Variants in DYNC2H1 observed in about 807,000 individuals in gnomAD.
DYNC2H1 encodes the protein cytoplasmic dynein 2 heavy chain 1.
Under a neutral mutation model 570.0 loss-of-function variants are expected in DYNC2H1, and 410 were observed. That is an observed-to-expected ratio of 0.72 (90% CI 0.66 to 0.78). DYNC2H1 has a LOEUF of 0.78. Among genes scored for constraint, DYNC2H1 ranks in the 30% least tolerant of loss-of-function variants. DYNC2H1 has a pLI of 0.00. For synonymous variants in DYNC2H1, 1,688 were observed against 1,677.6 expected (o/e 1.01, Z -0.15); for missense variants, 4,865 against 5,046.4 (o/e 0.96, Z 1.09).
At position 103,185,157 on chromosome 11, in the gene DYNC2H1, AT is replaced by A; in HGVS notation, c.6633+109del. On this transcript the variant is annotated intron_variant, in intron 41 of 88. Transcript: ENST00000375735. The surrounding 1 kb of genome is among the most constrained non-coding windows in gnomAD (Gnocchi z 4.5). ...AACTGTAAGATATGGAACTTTTAAA[AT>A]TTGAAATTATGTATTCAATTGAGTA... 1 of 1,001,848 alleles carries A rather than the reference AT, an allele frequency of 1.0e-6. No homozygotes were observed. The highest frequency in any genetic ancestry group is 1.4e-6 in the Non-Finnish European group (1 of 713,116). 62.1% of individuals were successfully genotyped at this position (1,001,848 alleles called of 1,614,324 possible).
intron 83 of DYNC2H1, among the ~76,000 whole-genome samples, chr11:103,373,852 T>C (rs887990618): frequency 6.6e-6 from 1 of 152,184 alleles, no homozygotes; most frequent in African/African-American, 2.4e-5. Flanking sequence ...GTGCTTTTTA[T>C]ATTTTGGTGC....
intron 17 of DYNC2H1, among the ~76,000 whole-genome samples, chr11:103,137,548 C>A (rs970902525): frequency 3.7e-4 from 57 of 152,044 alleles, no homozygotes; most frequent in African/African-American, 1.3e-3. Context: ...GATAAGTGGC[C>A]TTATTTCTGA....
Position 103,424,046 on chromosome 11 carries a change from TGAAA to T in DYNC2H1, c.12367-11892_12367-11889del, listed in dbSNP as rs201518116. Among the ~76,000 whole-genome samples, 312 of 152,172 alleles carry T rather than the reference TGAAA, an allele frequency of 2.1e-3. 6 individuals are homozygous for T. Among genetic ancestry groups the T allele is most frequent in the Admixed American group, 0.018 (276 of 15,258 alleles). On this transcript the variant is annotated intron_variant, in intron 84 of 88. Coordinates refer to ENST00000375735, the MANE Select transcript of DYNC2H1 (RefSeq NM_001377.3). ...TGCACTGAGAGCTACACAACATCAT[TGAAA>T]GAAATTAAAGACTACTTAAGTAAAT...
intron 83 of DYNC2H1, among the ~76,000 whole-genome samples, chr11:103,398,848 T>C (rs1222337406): frequency 6.6e-6 from 1 of 152,168 alleles, no homozygotes; most frequent in East Asian, 1.9e-4. Context: ...AGCATATATA[T>C]AGAAATAAAT....
At chr11:103,183,083 T>C (rs1861919810) in intron 40 of DYNC2H1, among the ~76,000 whole-genome samples, 1 of 151,932 alleles carries the variant, frequency 6.6e-6, no homozygotes, top group African/African-American at 2.4e-5. Context: ...TACATTAAAC[T>C]ATAAGCACCT....
chr11:103,285,887 CTT>C (rs1365656508), intron 73 of DYNC2H1, among the ~76,000 whole-genome samples: 2 of 152,152 alleles, frequency 1.3e-5, no homozygotes, highest in Non-Finnish European at 2.9e-5. Context: ...CAAAGAGAGT[CTT>C]TGTTAATATG....
intron 82 of DYNC2H1, among the ~76,000 whole-genome samples, chr11:103,350,265 C>T (rs150484169): frequency 1.3e-5 from 2 of 152,054 alleles, no homozygotes; most frequent in African/African-American, 4.8e-5. Context: ...TAATGAATTT[C>T]TATTCATTTC....
intron 84 of DYNC2H1, chr11:103,409,640 G>C (rs1453009946): frequency 1.3e-5 from 2 of 153,416 alleles, no homozygotes; most frequent in Admixed American, 1.3e-4. Flanking sequence ...AAATTAATTA[G>C]AGGATCTGGT....
intron 70 of DYNC2H1, among the ~76,000 whole-genome samples, chr11:103,270,760 A>G (rs1459568521): frequency 6.6e-6 from 1 of 152,182 alleles, no homozygotes; most frequent in Non-Finnish European, 1.5e-5. Flanking sequence ...CAGACAGCAC[A>G]TGATCTCATC....
chr11:103,169,103 TAGAA>T, intron 32 of DYNC2H1, 143 bp downstream of exon 32: 1 of 795,460 alleles, frequency 1.3e-6, no homozygotes, highest in South Asian at 2.4e-5. Context: ...TAATCAGAAT[TAGAA>T]AGGTGTCACA....
intron 83 of DYNC2H1, among the ~76,000 whole-genome samples, chr11:103,361,663 G>A (rs1448729933): frequency 6.6e-6 from 1 of 152,202 alleles, no homozygotes; most frequent in East Asian, 1.9e-4. Flanking sequence ...GGTAAGAGCA[G>A]ATGGCAGCTT....
chr11:103,457,325 C>A (rs1944820699), intron 87 of DYNC2H1, among the ~76,000 whole-genome samples: 1 of 152,078 alleles, frequency 6.6e-6, no homozygotes, highest in South Asian at 2.1e-4. Context: ...TGTAAGACAG[C>A]CTCAGGCAGG....
chr11:103,112,897 G>T (rs1185038554), intron 1 of DYNC2H1, among the ~76,000 whole-genome samples: 1 of 152,176 alleles, frequency 6.6e-6, no homozygotes, highest in Non-Finnish European at 1.5e-5. Context: ...GATTGCTGTA[G>T]TGAATTCCAA....
At chr11:103,235,248 A>G (rs1414351400) in intron 61 of DYNC2H1, among the ~76,000 whole-genome samples, 2 of 151,876 alleles carry the variant, frequency 1.3e-5, no homozygotes, top group Admixed American at 6.6e-5. Flanking sequence ...TTCCTTTAAT[A>G]TAACTACTCT....
At chr11:103,429,149 T>A (rs1943795566) in intron 84 of DYNC2H1, among the ~76,000 whole-genome samples, 1 of 151,944 alleles carries the variant, frequency 6.6e-6, no homozygotes, top group Admixed American at 6.6e-5. Context: ...TAGTTCCAGC[T>A]ACTCGGGAGA....
chr11:103,245,223 T>C lies in DYNC2H1; in HGVS notation c.9919-28T>C. 1.4e-6 allele frequency: 2 copies of C among 1,442,906 alleles called. No homozygotes were observed. Among genetic ancestry groups the C allele is most frequent in the Non-Finnish European group, 1.9e-6 (2 of 1,069,864 alleles). 89.4% of individuals were successfully genotyped at this position (1,442,906 alleles called of 1,614,324 possible). A position where few individuals can be genotyped will look rare whatever the true frequency, so the allele number is the denominator to read the frequency against. ...GTAAATATTAAAGTAATTAAATAATTAATACGTATTCTTTTTTATTCAATT... is the reference window on the plus strand; with the variant it reads ...GTAAATATTAAAGTAATTAAATAATCAATACGTATTCTTTTTTATTCAATT... On this transcript the variant is annotated intron_variant, in intron 64 of 88. Coordinates refer to ENST00000375735, the MANE Select transcript of DYNC2H1 (RefSeq NM_001377.3). The surrounding 1 kb of genome is among the most constrained non-coding windows in gnomAD (Gnocchi z 4.5).
chr11:103,119,080 C>T (rs183335996), intron 6 of DYNC2H1, among the ~76,000 whole-genome samples: 13 of 152,166 alleles, frequency 8.5e-5, no homozygotes, highest in Admixed American at 2.6e-4. Flanking sequence ...TGCATAGAAA[C>T]GGCAGTATAG....
chr11:103,211,822 T>C lies in DYNC2H1; in HGVS notation c.8573T>C (p.Ile2858Thr). Residue 2858 changes from isoleucine (I) to threonine (T), a missense_variant, in exon 54 of 89, where the codon ATC becomes ACC. Ile to Thr is a moderately conservative substitution (Grantham distance 89). Transcript: ENST00000375735. ...DPDFLKSFLL[I>T]HESCKAYGAT... is the part of the protein sequence containing the mutation. ...GATTTTCTAAAATCATTTTTATTAA[T>C]CCATGAATCTTGTAAAGCATATGGT... 7.0e-7 allele frequency: 1 copy of C among 1,426,848 alleles called. No individual in the cohort carries two copies. The allele number at this position is 1,426,848 out of a possible 1,614,324, so 88.4% of individuals were successfully genotyped here.
chr11:103,135,621 G>A lies in DYNC2H1; in HGVS notation c.2332G>A (p.Asp778Asn). The change falls in exon 16 of 89, where the codon GAC becomes AAC. Residue 778 changes from aspartate to asparagine, a missense_variant. By Grantham distance (23) the Asp-to-Asn change is conservative. Transcript: ENST00000375735. ...TGAGAATTTGCCAGAAATAAATATA[G>A]ACTTAACTTACAAGTAAGATGTTTT... ...LNENLPEINI[D>N]LTYKQGRLQF... 6.2e-7 allele frequency: 1 copy of A among 1,612,304 alleles called. No individual in the cohort carries two copies.
Sources: gnomAD v4.1 joint callset for allele counts (sites outside exome capture counted in the v4.1 genomes callset) on GRCh38, gnomAD v4.1.1 for gene constraint, Gnocchi (gnomAD v3.1) non-coding constraint, MANE v1.5 for transcripts, NCBI Gene and HGNC (gene_info 2026-07-23, HGNC 2026-07-21) for gene names.